The following BMPR1A variants were observed in gnomAD, a reference collection of about 807,000 sequenced individuals.
BMPR1A encodes the protein bone morphogenetic protein receptor type-1A.
In BMPR1A, 7 loss-of-function variants were observed where a neutral mutation model predicts 66.0. The observed-to-expected ratio is 0.11, with a 90% CI of 0.06 to 0.20. BMPR1A has a LOEUF of 0.20. BMPR1A is among the 10% of genes least tolerant of loss of function. The pLI is 1.00. For synonymous variants in BMPR1A, 200 were observed against 229.7 expected, an observed-to-expected ratio of 0.87 and a Z score of 1.17; for missense variants, 408 against 669.1, an observed-to-expected ratio of 0.61 and a Z score of 4.31.
chr10:86,783,137 A>G (rs1456594152), intron 1 of BMPR1A, among the ~76,000 whole-genome samples: 1 of 152,160 alleles, frequency 6.6e-6, no homozygotes, highest in African/African-American at 2.4e-5. Context: ...TTCTTTCCCC[A>G]TTGCGTAGTC....
At chr10:86,804,792 G>GTTTTTT (rs5786747) in intron 1 of BMPR1A, among the ~76,000 whole-genome samples, 4 of 57,252 alleles carry the variant, frequency 7.0e-5, no homozygotes, top group Admixed American at 1.8e-4. Flanking sequence ...GTTTGTAGGT[G>GTTTTTT]TTTTTTTTTT....
At chr10:86,835,549 C>CCAAAAAAAAAA (rs1842332268) in intron 1 of BMPR1A, among the ~76,000 whole-genome samples, 1 of 44,326 alleles carries the variant, frequency 2.3e-5, no homozygotes, top group East Asian at 6.1e-4. Flanking sequence ...GACTCTGTAT[C>CCAAAAAAAAAA]AAAAAAAAAA....
At chr10:86,868,990 T>C (rs1842819982) in intron 2 of BMPR1A, among the ~76,000 whole-genome samples, 1 of 152,208 alleles carries the variant, frequency 6.6e-6, no homozygotes, top group South Asian at 2.1e-4. Context: ...ATTCAATAGC[T>C]TTTAAATGGC....
intron 1 of BMPR1A, among the ~76,000 whole-genome samples, chr10:86,814,550 T>C (rs1385346705): frequency 6.6e-6 from 1 of 152,112 alleles, no homozygotes; most frequent in Non-Finnish European, 1.5e-5. Flanking sequence ...TCAAATAAAT[T>C]TTTAAATTTC....
At chr10:86,824,963 T>TC (rs1842172151) in intron 1 of BMPR1A, among the ~76,000 whole-genome samples, 1 of 152,162 alleles carries the variant, frequency 6.6e-6, no homozygotes, top group Non-Finnish European at 1.5e-5. Flanking sequence ...AGAGTATGCA[T>TC]CATTAGGAAA....
intron 1 of BMPR1A, among the ~76,000 whole-genome samples, chr10:86,762,651 G>T (rs11202168): frequency 6.6e-6 from 1 of 152,170 alleles, no homozygotes; most frequent in African/African-American, 2.4e-5. Context: ...GAGCCACTGC[G>T]CCTGGCCAGT....
chr10:86,900,727 C>A (rs1342712478), intron 7 of BMPR1A, among the ~76,000 whole-genome samples: 1 of 152,236 alleles, frequency 6.6e-6, no homozygotes, highest in East Asian at 1.9e-4. Flanking sequence ...TAATTCCTCA[C>A]CCTCAACAAT....
chr10:86,923,281 G>A (rs1231811197), intron 11 of BMPR1A, 95 bp from the exon 12 acceptor site: 108 of 1,534,490 alleles, frequency 7.0e-5, no homozygotes, highest in East Asian at 6.8e-5. Flanking sequence ...GTAAGAATCC[G>A]TTTTAGTTCC....
intron 3 of BMPR1A, among the ~76,000 whole-genome samples, chr10:86,879,778 A>G (rs1258843244): frequency 6.6e-6 from 1 of 152,218 alleles, no homozygotes; most frequent in Non-Finnish European, 1.5e-5. Flanking sequence ...AGCAATTATC[A>G]GTGCACAGTA....
chr10:86,864,566 C>G (rs935169931), intron 2 of BMPR1A, among the ~76,000 whole-genome samples: 2 of 152,174 alleles, frequency 1.3e-5, no homozygotes, highest in Non-Finnish European at 2.9e-5. Flanking sequence ...TCTGTATATT[C>G]TTAAATGAAG....
chr10:86,892,686 G>T (rs542441781), intron 5 of BMPR1A, among the ~76,000 whole-genome samples: 1 of 151,764 alleles, frequency 6.6e-6, no homozygotes, highest in Non-Finnish European at 1.5e-5. Context: ...GCATCGGCCC[G>T]CAAAGTGCTG....
intron 1 of BMPR1A, among the ~76,000 whole-genome samples, chr10:86,837,594 A>G (rs1374982925): frequency 1.3e-5 from 2 of 152,220 alleles, no homozygotes; most frequent in Non-Finnish European, 2.9e-5. Flanking sequence ...AGGGAAATTA[A>G]AGATTATGAG....
intron 8 of BMPR1A, among the ~76,000 whole-genome samples, chr10:86,914,636 G>A (rs1843537812): frequency 6.6e-6 from 1 of 152,192 alleles, no homozygotes; most frequent in Non-Finnish European, 1.5e-5. Context: ...CTCAGCATCA[G>A]CAGGGATATA....
chr10:86,779,551 G>A lies in BMPR1A; in HGVS notation c.-268+22632G>A, dbSNP rs74938900. The stretch of plus-strand genomic sequence containing the variant: ...TTTTGATAATAGCCGTTTTAACTGG[G>A]GTTAGAGTTGTGGTTTTGATTTGCA... On this transcript the variant is annotated intron_variant, in intron 1 of 12. Transcript: ENST00000372037. 5.2e-3 allele frequency among the ~76,000 whole-genome samples: 789 copies of A among 152,172 alleles called. 10 individuals are homozygous for A. The highest frequency in any genetic ancestry group is 0.018 in the African/African-American group (739 of 41,512).
intron 1 of BMPR1A, among the ~76,000 whole-genome samples, chr10:86,782,527 G>C (rs1459434088): frequency 1.3e-5 from 2 of 151,084 alleles, no homozygotes; most frequent in Non-Finnish European, 2.9e-5. Context: ...GTTTTTTTTT[G>C]ATAGAGGTAA....
chr10:86,890,876 G>A (rs971007055), intron 4 of BMPR1A, among the ~76,000 whole-genome samples: 4 of 151,922 alleles, frequency 2.6e-5, no homozygotes, highest in African/African-American at 9.7e-5. Context: ...AGTGTATTTC[G>A]TGTTAGCTGC....
intron 3 of BMPR1A, among the ~76,000 whole-genome samples, chr10:86,884,850 C>T (rs1843049353): frequency 6.6e-6 from 1 of 152,140 alleles, no homozygotes; most frequent in South Asian, 2.1e-4. Context: ...TGTATCAACC[C>T]ATTTTTGATA....
intron 3 of BMPR1A, among the ~76,000 whole-genome samples, chr10:86,882,554 G>A (rs922948238): frequency 2.6e-5 from 4 of 151,916 alleles, no homozygotes; most frequent in African/African-American, 9.7e-5. Flanking sequence ...AAGGGGATTA[G>A]ATGGGCCCAA....
chr10:86,800,655 A>G (rs1198700270), intron 1 of BMPR1A, among the ~76,000 whole-genome samples: 1 of 152,176 alleles, frequency 6.6e-6, no homozygotes, highest in African/African-American at 2.4e-5. Flanking sequence ...GGCCTCCCAA[A>G]GTGCTGGGAT....
Sources: allele counts gnomAD v4.1 joint callset (sites outside exome capture counted in the v4.1 genomes callset), GRCh38; gene constraint gnomAD v4.1.1; transcripts MANE v1.5; gene names NCBI Gene and HGNC (gene_info 2026-07-23, HGNC 2026-07-21).